TMEM259: variants seen among roughly 807,000 people sequenced by gnomAD.
TMEM259 encodes membralin.
Under a neutral mutation model 46.7 loss-of-function variants are expected in TMEM259, and 26 were observed. That is an observed-to-expected ratio of 0.56 (90% confidence interval 0.41 to 0.77). The LOEUF (loss-of-function observed/expected upper bound fraction) is 0.77. TMEM259 is among the 30% of genes least tolerant of loss of function. The pLI is 0.00. For missense variants in TMEM259, 930 were observed against 900.5 expected, an observed-to-expected ratio of 1.03 and a Z score of -0.42; for synonymous variants, 494 against 395.1, an observed-to-expected ratio of 1.25 and a Z score of -2.97.
Position 1,011,077 on chromosome 19 carries a change from C to T in TMEM259, c.1317+19G>A, listed in dbSNP as rs1203410371. The T allele has an allele frequency of 1.3e-6, 2 of 1,569,168 alleles. No individual in the cohort carries two copies. Among genetic ancestry groups the T allele is most frequent in the East Asian group, 2.4e-5 (1 of 41,964 alleles). On this transcript the variant is annotated intron_variant, in intron 10 of 10. Transcript: ENST00000356663. ...AAAGGCACGGCTGGCCTGCCCCCTG[C>T]TTGCCGCCCAGGCCTCACCTGGATG...
intron 1 of TMEM259, among the ~76,000 whole-genome samples, chr19:1,014,910 C>T (rs1368327670): frequency 6.6e-6 from 1 of 152,332 alleles, no homozygotes; most frequent in Admixed American, 6.5e-5. Flanking sequence ...CACCAGGGCC[C>T]TCTGCCAGCC....
At chr19:1,018,844 CGGTTGTGATGGTG>C (rs1392199218) in intron 1 of TMEM259, among the ~76,000 whole-genome samples, 2 of 152,024 alleles carry the variant, frequency 1.3e-5, no homozygotes, top group Non-Finnish European at 2.9e-5. Context: ...AAAAATTAGC[CGGTTGTGATGGTG>C]GGCACCGGTA....
intron 1 of TMEM259, 66 bp from the exon 2 acceptor site, chr19:1,014,539 C>T (rs1319455155): frequency 6.4e-5 from 32 of 499,654 alleles, no homozygotes; most frequent in African/African-American, 1.0e-4. Context: ...CAAGGGCCTA[C>T]GTGATGGGGC....
Position 1,021,088 on chromosome 19 carries a change from G to C in TMEM259, c.-92C>G. ...CCCTCGCAGCCGCCGCTCTCCTCACGGCCTCCCGGCCGCCGCCGCCATCTT... is the reference window on the plus strand; with the variant it reads ...CCCTCGCAGCCGCCGCTCTCCTCACCGCCTCCCGGCCGCCGCCGCCATCTT... On this transcript the variant is annotated 5_prime_UTR_variant, in exon 1 of 11. Coordinates refer to ENST00000356663, the MANE Select transcript of TMEM259 (RefSeq NM_001033026.2). The C allele has an allele frequency of 8.3e-7, 1 of 1,204,320 alleles. No homozygotes were observed. Among genetic ancestry groups the C allele is most frequent in the Middle Eastern group, 3.4e-4 (1 of 2,982 alleles). The allele number at this position is 1,204,320 out of a possible 1,614,324, so 74.6% of individuals were successfully genotyped here.
Position 1,020,009 on chromosome 19 carries a change from CCAAGACGCGGAGGCCGGTGCCTCAT to C in TMEM259, c.225+738_225+762del, listed in dbSNP as rs1357682243. On this transcript the variant is annotated intron_variant, in intron 1 of 10. Transcript: ENST00000356663. The surrounding 1 kb of genome is among the most constrained non-coding windows in gnomAD (Gnocchi z 4.0). The stretch of plus-strand genomic sequence containing the variant: ...GAGGAGGGCGGGAGGGGGACAGAGC[CCAAGACGCGGAGGCCGGTGCCTCAT>C]AGGGGAGGCACGGGCGACAGACCCA... Among the ~76,000 whole-genome samples, 1 of 151,952 alleles carries C rather than the reference CCAAGACGCGGAGGCCGGTGCCTCAT, an allele frequency of 6.6e-6. No homozygotes were observed. Among genetic ancestry groups the C allele is most frequent in the Admixed American group, 6.6e-5 (1 of 15,262 alleles).
Position 1,011,089 on chromosome 19 carries a change from G to A in TMEM259, c.1317+7C>T, listed in dbSNP as rs1256084152. 1.1e-5 allele frequency: 18 copies of A among 1,580,548 alleles called. No individual in the cohort carries two copies. Among genetic ancestry groups the A allele is most frequent in the Non-Finnish European group, 1.5e-5 (18 of 1,163,918 alleles). Reference sequence around the variant, plus strand: ...GGCCTGCCCCCTGCTTGCCGCCCAGGCCTCACCTGGATGAAGAGCCAGGAG... The same window carrying A: ...GGCCTGCCCCCTGCTTGCCGCCCAGACCTCACCTGGATGAAGAGCCAGGAG... On this transcript the variant is annotated splice_region_variant and intron_variant, in intron 10 of 10. Coordinates refer to ENST00000356663, the MANE Select transcript of TMEM259 (RefSeq NM_001033026.2).
chr19:1,012,717 G>A (rs2038978954), intron 3 of TMEM259, 144 bp from the exon 4 acceptor site: 2 of 1,099,812 alleles, frequency 1.8e-6, no homozygotes, highest in Non-Finnish European at 2.6e-6. Flanking sequence ...ACCCCTACAT[G>A]GACACTTGGG....
chr19:1,017,423 C>G (rs1182345775), intron 1 of TMEM259: 1 of 400,152 alleles, frequency 2.5e-6, no homozygotes, highest in African/African-American at 2.1e-5. Context: ...TGCTCCAGCC[C>G]CACGGCCTTC....
chr19:1,014,296 C>T lies in TMEM259; in HGVS notation c.403G>A (p.Gly135Arg), dbSNP rs1160266537. Reference protein sequence around the residue: ...FLQFCDSGGRGSFPGLAVEPG... With the variant: ...FLQFCDSGGRRSFPGLAVEPG... ...TCCACGGCCAGGCCCGGGAAGCTCC[C>T]GCGGCCGCCGCTGTCACAGAACTGT... Residue 135 changes from glycine to arginine, a missense_variant, in exon 2 of 11, where the codon GGG becomes AGG. Gly to Arg is a moderately radical substitution (Grantham distance 125, BLOSUM62 -2). Transcript: ENST00000356663. 16 of 1,612,484 alleles carry T rather than the reference C, an allele frequency of 9.9e-6. No individual in the cohort carries two copies. The highest frequency in any genetic ancestry group is 6.7e-5 in the East Asian group (3 of 44,894).
At chr19:1,017,220 G>A in intron 1 of TMEM259, 1 of 399,996 alleles carries the variant, frequency 2.5e-6, no homozygotes, top group Non-Finnish European at 4.4e-6. Context: ...GCCCGGCCCT[G>A]AGCCACACGC....
Position 1,021,101 on chromosome 19 carries a change from C to A in TMEM259, c.-105G>T. On this transcript the variant is annotated 5_prime_UTR_variant, in exon 1 of 11. Coordinates refer to ENST00000356663, the MANE Select transcript of TMEM259 (RefSeq NM_001033026.2). Reference sequence around the variant, plus strand: ...CGCTCTCCTCACGGCCTCCCGGCCGCCGCCGCCATCTTCCGCTTTCTCGTC... The same window carrying A: ...CGCTCTCCTCACGGCCTCCCGGCCGACGCCGCCATCTTCCGCTTTCTCGTC... The A allele has an allele frequency of 8.5e-7, 1 of 1,171,200 alleles. No homozygotes were observed. The highest frequency in any genetic ancestry group is 1.1e-6 in the Non-Finnish European group (1 of 930,790). 72.6% of individuals were successfully genotyped at this position (1,171,200 alleles called of 1,614,324 possible). A position where few individuals can be genotyped will look rare whatever the true frequency, so the allele number is the denominator to read the frequency against.
At position 1,014,369 on chromosome 19, in the gene TMEM259, G is replaced by A; in HGVS notation, c.330C>T (p.Ile110=). 6.2e-7 allele frequency: 1 copy of A among 1,612,936 alleles called. No homozygotes were observed. The highest frequency in any genetic ancestry group is 2.2e-5 in the East Asian group (1 of 44,872). The change falls in exon 2 of 11, where the codon ATC becomes ATT. Residue 110 remains isoleucine (I), a synonymous_variant. Transcript: ENST00000356663. ...AGTTGTGCCGCACTTCCACACGCAGGATGCCCTCACGCGGCCACTTGTCAC... is the reference window on the plus strand; with the variant it reads ...AGTTGTGCCGCACTTCCACACGCAGAATGCCCTCACGCGGCCACTTGTCAC... ...HVRDKWPREG[I]LRVEVRHNSS...
intron 1 of TMEM259, among the ~76,000 whole-genome samples, chr19:1,018,060 A>G (rs948966070): frequency 6.6e-6 from 1 of 152,106 alleles, no homozygotes; most frequent in Non-Finnish European, 1.5e-5. Context: ...GCCCCTGCCC[A>G]TGTCCAGGGG....
At position 1,014,553 on chromosome 19, in the gene TMEM259, A is replaced by ATGGGGCGCGC; in HGVS notation, c.226-90_226-81dup. ...CCAAGGGCCTACGTGATGGGGCGTG[A>ATGGGGCGCGC]TGGGGCGCGCTGGGACGCCCAGGAC... On this transcript the variant is annotated intron_variant, in intron 1 of 10. Coordinates refer to ENST00000356663, the MANE Select transcript of TMEM259 (RefSeq NM_001033026.2). 3.4e-6 allele frequency: 3 copies of ATGGGGCGCGC among 886,470 alleles called. No homozygotes were observed. In the South Asian group the frequency reaches 6.4e-5, roughly 19 times the overall value. The allele number at this position is 886,470 out of a possible 1,614,324, so 54.9% of individuals were successfully genotyped here.
At chr19:1,018,987 CA>C (rs758741226) in intron 1 of TMEM259, among the ~76,000 whole-genome samples, 59,828 of 115,860 alleles carry the variant, frequency 0.52, 14,054 homozygotes, top group African/African-American at 0.66. Context: ...GACTCCATCT[CA>C]AAAAAAAAAA....
chr19:1,015,579 C>G (rs1026583253), intron 1 of TMEM259, among the ~76,000 whole-genome samples: 1 of 152,182 alleles, frequency 6.6e-6, no homozygotes, highest in East Asian at 1.9e-4. Flanking sequence ...GTGAGGGTCA[C>G]GTCTACCTGC....
chr19:1,015,591 G>C (rs1485443503), intron 1 of TMEM259, among the ~76,000 whole-genome samples: 1 of 152,144 alleles, frequency 6.6e-6, no homozygotes, highest in Non-Finnish European at 1.5e-5. Flanking sequence ...TCTACCTGCT[G>C]CCCCGATCCG....
intron 1 of TMEM259, among the ~76,000 whole-genome samples, chr19:1,018,015 AGAG>A (rs1380033377): frequency 6.6e-6 from 1 of 152,054 alleles, no homozygotes; most frequent in Non-Finnish European, 1.5e-5. Context: ...CGACCCCACA[AGAG>A]GAGCCCCATT....
chr19:1,011,281 C>A (rs531795094), intron 9 of TMEM259, 86 bp from the exon 10 acceptor site: 9 of 1,537,690 alleles, frequency 5.9e-6, no homozygotes, highest in East Asian at 2.4e-5. Context: ...GCAGCCACCA[C>A]CCCCGCCTCC....
Sources: gnomAD v4.1 joint callset for allele counts (sites outside exome capture counted in the v4.1 genomes callset) on GRCh38, gnomAD v4.1.1 for gene constraint, Gnocchi (gnomAD v3.1) non-coding constraint, MANE v1.5 for transcripts, NCBI Gene and HGNC (gene_info 2026-07-23, HGNC 2026-07-21) for gene names.